The following ATP8B1 variants were observed in gnomAD, a reference collection of about 807,000 sequenced individuals.
The protein encoded by ATP8B1 is ATPase phospholipid transporting 8B1.
ATP8B1 carries 80 observed loss-of-function variants against 149.9 expected under a neutral mutation model. That is an observed-to-expected ratio of 0.53 (90% CI 0.45 to 0.64). The LOEUF (loss-of-function observed/expected upper bound fraction) is 0.64, where lower values mean the gene tolerates loss of function less well. ATP8B1 is among the 30% of genes least tolerant of loss of function. ATP8B1 has a pLI of 0.00. For synonymous variants in ATP8B1, 536 were observed against 562.8 expected (o/e 0.95, Z 0.67); for missense variants, 1,247 against 1,552.6 (o/e 0.80, Z 3.31).
intron 15 of ATP8B1, among the ~76,000 whole-genome samples, chr18:57,679,670 C>T (rs964341952): frequency 6.6e-6 from 1 of 152,084 alleles, no homozygotes; most frequent in African/African-American, 2.4e-5. Flanking sequence ...CTGATTCACT[C>T]TAATTTCTTT....
At chr18:57,728,666 T>C (rs1353819595) in intron 2 of ATP8B1, among the ~76,000 whole-genome samples, 1 of 151,330 alleles carries the variant, frequency 6.6e-6, no homozygotes, top group African/African-American at 2.4e-5. Context: ...ACCACCCAAA[T>C]CCCCTAGGAA....
rs138926824 is a variant in ATP8B1 at position 57,713,475 on chromosome 18, TTTTTATTTTA to T, written c.182-6898_182-6889del. 7.3e-3 allele frequency among the ~76,000 whole-genome samples: 1,065 copies of T among 146,420 alleles called. 16 individuals carry two copies. The highest frequency in any genetic ancestry group is 0.026 in the African/African-American group (985 of 38,384). On this transcript the variant is annotated intron_variant, in intron 2 of 27. Transcript: ENST00000648908. Reference sequence around the variant, plus strand: ...CCATGCCCAGCTAATTTTTAAAAATTTTTTATTTTATTTTATTTTATTTTATTTTATTTGA... The same window carrying T: ...CCATGCCCAGCTAATTTTTAAAAATTTTTTATTTTATTTTATTTTATTTGA...
At position 57,688,513 on chromosome 18, in the gene ATP8B1, AAG is replaced by A; in HGVS notation, c.1221-8_1221-7del. ...CAAGACGAATCACTTCCACGCTAGGAAGACAGAAGATTATTTTCCGTAGAGAG... is the reference window on the plus strand; with the variant it reads ...CAAGACGAATCACTTCCACGCTAGGAACAGAAGATTATTTTCCGTAGAGAG... On this transcript the variant is annotated splice_polypyrimidine_tract_variant and splice_region_variant and intron_variant, in intron 12 of 27. Transcript: ENST00000648908. The A allele has an allele frequency of 6.2e-7, 1 of 1,613,988 alleles. No homozygotes were observed. Among genetic ancestry groups the A allele is most frequent in the Non-Finnish European group, 8.5e-7 (1 of 1,179,860 alleles).
chr18:57,803,213 CT>C lies in ATP8B1; in HGVS notation c.-242del. 6.6e-6 allele frequency: 1 copy of C among 152,622 alleles called. No individual in the cohort carries two copies. Among genetic ancestry groups the C allele is most frequent in the Non-Finnish European group, 1.5e-5 (1 of 68,282 alleles). The allele number at this position is 152,622 out of a possible 1,614,324, so 9.5% of individuals were successfully genotyped here. On this transcript the variant is annotated 5_prime_UTR_variant, in exon 1 of 28. Transcript: ENST00000648908. Reference sequence around the variant, plus strand: ...CGCGGCTCGCTAGTGGCTCCCCCGCCTTTCCCCGCCCCGCGTCCGTGCACCC... The same window carrying C: ...CGCGGCTCGCTAGTGGCTCCCCCGCCTTCCCCGCCCCGCGTCCGTGCACCC...
chr18:57,656,229 A>G (rs749967091), intron 22 of ATP8B1, among the ~76,000 whole-genome samples: 1 of 152,050 alleles, frequency 6.6e-6, no homozygotes, highest in African/African-American at 2.4e-5. Flanking sequence ...TTAAATACCA[A>G]CTGGGGTCTG....
rs147279630 is a variant in ATP8B1 at position 57,660,244 on chromosome 18, T to G, written c.2707+930A>C. On this transcript the variant is annotated intron_variant, in intron 22 of 27. Transcript: ENST00000648908. ...ATGGCAGGACTCAATATTTTAATTG[T>G]GTGGACTTAAATTCTAGCATCCAGA... is the stretch of plus-strand genomic sequence containing the variant. Among the ~76,000 whole-genome samples, 294 of 152,298 alleles carry G rather than the reference T, an allele frequency of 1.9e-3. 3 individuals carry two copies. The highest frequency in any genetic ancestry group is 6.5e-3 in the African/African-American group (271 of 41,558).
At chr18:57,704,728 T>A (rs1000670802) in intron 3 of ATP8B1, 60 bp from the exon 4 acceptor site, 2 of 1,035,872 alleles carry the variant, frequency 1.9e-6, no homozygotes, top group Admixed American at 1.8e-5. Context: ...TGTATACACA[T>A]CTGCAAAAGT....
At chr18:57,697,911 C>T (rs369809623) in intron 6 of ATP8B1, 44 bp from the exon 7 acceptor site, 2 of 1,489,402 alleles carry the variant, frequency 1.3e-6, no homozygotes, top group African/African-American at 2.8e-5. Flanking sequence ...TTTTAAGTTA[C>T]AGGCAAGGGA....
intron 1 of ATP8B1, among the ~76,000 whole-genome samples, chr18:57,737,514 A>G (rs1195231397): frequency 6.6e-6 from 1 of 151,294 alleles, no homozygotes; most frequent in Non-Finnish European, 1.5e-5. Flanking sequence ...CAGCCTCCCT[A>G]GTAACTAGGA....
At position 57,671,508 on chromosome 18, in the gene ATP8B1, C is replaced by T. The variant is rs150499790; in HGVS notation, c.1892G>A (p.Arg631Gln). 1.8e-4 allele frequency: 292 copies of T among 1,614,010 alleles called. 1 individual carries two copies. The African/African-American group carries it at 2.6e-3, about 15-fold the overall frequency. The change falls in exon 17 of 28, where the codon CGA (arginine) becomes CAA (glutamine). Residue 631 changes from arginine (R) to glutamine (Q), a missense_variant. By Grantham distance (43) the Arg-to-Gln change is conservative. Around this residue, in one of 3 missense-constraint regions of ATP8B1, gnomAD observed 853 missense variants for 1,035.7 expected, o/e 0.82. Transcript: ENST00000648908. Reference protein sequence around the residue: ...ADTVIYERLHRMNPTKQETQD... With the variant: ...ADTVIYERLHQMNPTKQETQD... ...TGTTTCTTGCTTAGTAGGATTCATT[C>T]GATGTAACCGTTCATAAATAACAGT...
intron 16 of ATP8B1, among the ~76,000 whole-genome samples, 168 bp from the exon 17 acceptor site, chr18:57,671,748 G>A (rs979814820): frequency 1.4e-4 from 21 of 151,594 alleles, no homozygotes; most frequent in African/African-American, 4.1e-4. Flanking sequence ...TCAGCCTCCC[G>A]AGTAGCTGGG....
chr18:57,672,917 TATATATATATATATA>T (rs1244245166), intron 16 of ATP8B1, among the ~76,000 whole-genome samples: 5 of 51,666 alleles, frequency 9.7e-5, no homozygotes, highest in African/African-American at 3.9e-4. Flanking sequence ...TATATATATA[TATATATATATATATA>T]ACATGTATAT....
At position 57,648,396 on chromosome 18, in the gene ATP8B1, A is replaced by G; in HGVS notation, c.*92T>C. On this transcript the variant is annotated 3_prime_UTR_variant, in exon 28 of 28. Transcript: ENST00000648908. ...TATTGTCTTCAATATCTTTGTGATG[A>G]ATGCAATTCACACACACACACAAAG... 7.4e-7 allele frequency: 1 copy of G among 1,355,242 alleles called. No individual in the cohort carries two copies. The highest frequency in any genetic ancestry group is 1.1e-6 in the Non-Finnish European group (1 of 950,764). 84.0% of individuals were successfully genotyped at this position (1,355,242 alleles called of 1,614,324 possible).
intron 8 of ATP8B1, among the ~76,000 whole-genome samples, chr18:57,696,563 G>C (rs961016703): frequency 2.7e-5 from 3 of 109,722 alleles, no homozygotes; most frequent in African/African-American, 1.0e-4. Flanking sequence ...AAAAAAAAAA[G>C]TGTGATAGAT....
rs926170341 is a variant in ATP8B1, at chr18:57,802,695, G to T, written c.-26+303C>A. The stretch of plus-strand genomic sequence containing the variant: ...ACCCCCGGACATGTGTGTCGCTACC[G>T]ATCGAAGAACCCAAACACCCCGAGA... On this transcript the variant is annotated intron_variant, in intron 1 of 27. Coordinates refer to ENST00000648908, the MANE Select transcript of ATP8B1 (RefSeq NM_001374385.1). The surrounding 1 kb of genome is among the most constrained non-coding windows in gnomAD (Gnocchi z 4.9). 5.9e-5 allele frequency among the ~76,000 whole-genome samples: 9 copies of T among 152,184 alleles called. No homozygotes were observed. Among genetic ancestry groups the T allele is most frequent in the African/African-American group, 2.2e-4 (9 of 41,450 alleles).
rs1260090574 is a variant in ATP8B1, at chr18:57,761,025, CATAAAATAAAATAA to C, written c.-25-29207_-25-29194del. Among the ~76,000 whole-genome samples, 889 of 97,514 alleles carry C rather than the reference CATAAAATAAAATAA, an allele frequency of 9.1e-3. 10 individuals carry two copies. Among genetic ancestry groups the C allele is most frequent in the African/African-American group, 0.028 (725 of 25,914 alleles). 64.0% of individuals were successfully genotyped at this position (97,514 alleles called of 152,430 possible). A position where few individuals can be genotyped will look rare whatever the true frequency, so the allele number is the denominator to read the frequency against. On this transcript the variant is annotated intron_variant, in intron 1 of 27. Coordinates refer to ENST00000648908, the MANE Select transcript of ATP8B1 (RefSeq NM_001374385.1). ...AATAAAATAAAATAACATAAAATAA[CATAAAATAAAATAA>C]ATAAAATAAAATAACATAAAATAAC...
intron 27 of ATP8B1, among the ~76,000 whole-genome samples, chr18:57,649,295 G>A (rs906906663): frequency 1.3e-5 from 2 of 150,990 alleles, no homozygotes; most frequent in Non-Finnish European, 2.9e-5. Context: ...TTGATCAATC[G>A]ATCTACCTAC....
At chr18:57,731,398 T>C in intron 2 of ATP8B1, 1 of 423,152 alleles carries the variant, frequency 2.4e-6, no homozygotes, top group East Asian at 4.8e-5. Context: ...AAGACCTTAA[T>C]GTATTTTCTC....
intron 1 of ATP8B1, among the ~76,000 whole-genome samples, chr18:57,765,585 C>T (rs2080203959): frequency 1.3e-5 from 2 of 151,562 alleles, no homozygotes; most frequent in Non-Finnish European, 2.9e-5. Context: ...AGGAAAATTG[C>T]TTGAACCCAG....
Sources: gnomAD v4.1 joint callset for allele counts (sites outside exome capture counted in the v4.1 genomes callset) on GRCh38, gnomAD v4.1.1 for gene constraint, gnomAD v4.1.1 regional missense constraint, Gnocchi (gnomAD v3.1) non-coding constraint, MANE v1.5 for transcripts, NCBI Gene and HGNC (gene_info 2026-07-23, HGNC 2026-07-21) for gene names.